Variants in NEB observed in about 807,000 individuals in gnomAD.
The protein encoded by NEB is nebulin.
NEB carries 512 observed loss-of-function variants against 952.2 expected under a neutral mutation model. The observed-to-expected ratio is 0.54, with a 90% CI of 0.50 to 0.58. The LOEUF is 0.58. NEB is among the 20% of genes least tolerant of loss of function. The probability of loss-of-function intolerance (pLI) is 0.00; values close to 1 mark genes in which losing one functional copy is unlikely to be tolerated. For missense variants in NEB, 8,428 were observed against 9,231.1 expected, an observed-to-expected ratio of 0.91 and a Z score of 3.56; for synonymous variants, 2,900 against 3,149.8, an observed-to-expected ratio of 0.92 and a Z score of 2.66.
chr2:151,694,991 G>T (rs1253180005), intron 18 of NEB, among the ~76,000 whole-genome samples: 3 of 151,976 alleles, frequency 2.0e-5, no homozygotes, highest in Admixed American at 6.6e-5. Flanking sequence ...CTCTGCAAAG[G>T]TTATTTCATA....
intron 117 of NEB, 56 bp downstream of exon 117, chr2:151,564,988 T>G: frequency 1.9e-6 from 2 of 1,058,348 alleles, no homozygotes; most frequent in South Asian, 3.1e-5. Flanking sequence ...AGAATATGAA[T>G]GCAACAAGAG....
At chr2:151,535,830 G>A in intron 141 of NEB, 35 bp from the exon 142 acceptor site, 1 of 1,165,402 alleles carries the variant, frequency 8.6e-7, no homozygotes, top group Non-Finnish European at 1.2e-6. Context: ...TTGACAGCAG[G>A]CTATGATTAT....
chr2:151,690,446 G>A, intron 24 of NEB: 2 of 305,318 alleles, frequency 6.6e-6, no homozygotes, highest in South Asian at 7.6e-5. Context: ...TTGGCATGAA[G>A]TTTTAGTGTG....
chr2:151,556,232 T>C (rs1027959772), intron 124 of NEB, among the ~76,000 whole-genome samples: 2 of 152,000 alleles, frequency 1.3e-5, no homozygotes, highest in Non-Finnish European at 2.9e-5. Flanking sequence ...CCCAGTAGAG[T>C]AGTGAAATCA....
Position 151,650,679 on chromosome 2 carries a change from C to T in NEB, c.7122G>A (p.Glu2374=). The change falls in exon 53 of 182, where the codon GAG becomes GAA. Residue 2374 remains glutamate, a synonymous_variant. Transcript: ENST00000397345. ...LGVVLAKKCQ[E]LVSDVDYKNY... ...TCTTGTAGTCCACGTCACTAACCAA[C>T]TCCTGACACTTCTTGGCCAGTACCA... is the stretch of plus-strand genomic sequence containing the variant. 28 of 1,613,870 alleles carry T rather than the reference C, an allele frequency of 1.7e-5. No homozygotes were observed. The highest frequency in any genetic ancestry group is 2.4e-5 in the Non-Finnish European group (28 of 1,179,798).
intron 26 of NEB, 40 bp from the exon 27 acceptor site, chr2:151,687,572 A>G: frequency 1.9e-6 from 3 of 1,613,042 alleles, no homozygotes; most frequent in Non-Finnish European, 2.5e-6. Flanking sequence ...ACTCACCAGG[A>G]AATGTCCCCA....
intron 27 of NEB, 35 bp downstream of exon 27, chr2:151,687,383 AT>A: frequency 6.4e-7 from 1 of 1,554,992 alleles, no homozygotes; most frequent in South Asian, 1.1e-5. Context: ...CAGGGAGTCC[AT>A]CTTGAAAACA....
At chr2:151,709,811 G>C in intron 11 of NEB, 48 bp from the exon 12 acceptor site, 14 of 1,382,266 alleles carry the variant, frequency 1.0e-5, no homozygotes, top group Non-Finnish European at 1.3e-5. Flanking sequence ...AATGAACTAT[G>C]CAAGAATTTC....
intron 92 of NEB, 96 bp from the exon 93 acceptor site, chr2:151,594,414 T>G (rs1167100648): frequency 7.4e-7 from 1 of 1,347,460 alleles, no homozygotes; most frequent in African/African-American, 1.4e-5. Flanking sequence ...TTTCTTAGCC[T>G]TGGTATAAAT....
Position 151,562,104 on chromosome 2 carries a change from G to T in NEB, c.18996+6C>A. ...GAGAACCAGTCCTTCTAGGAAGGTGGCTCACCTGACTCTGAAGGTCGTATG... is the reference window on the plus strand; with the variant it reads ...GAGAACCAGTCCTTCTAGGAAGGTGTCTCACCTGACTCTGAAGGTCGTATG... On this transcript the variant is annotated splice_donor_region_variant and intron_variant, in intron 121 of 181. Transcript: ENST00000397345. The T allele has an allele frequency of 6.2e-7, 1 of 1,610,260 alleles. No homozygotes were observed. Among genetic ancestry groups the T allele is most frequent in the Non-Finnish European group, 8.5e-7 (1 of 1,176,636 alleles).
In NEB at chr2:151,519,101, G is replaced by A. The variant is rs374516019; in HGVS notation, c.22591-32C>T. On this transcript the variant is annotated intron_variant, in intron 154 of 181. Transcript: ENST00000397345. ...GTTATGGGGGAAGAAAGGAAATCAC[G>A]TAAATAGGAAATGGAACAGCACTAA... 48 of 1,372,298 alleles carry A rather than the reference G, an allele frequency of 3.5e-5. No individual in the cohort carries two copies. The African/African-American group carries it at 4.6e-4, about 13-fold the overall frequency. The allele number at this position is 1,372,298 out of a possible 1,614,324, so 85.0% of individuals were successfully genotyped here.
chr2:151,490,486 G>T lies in NEB; in HGVS notation c.25183C>A (p.Arg8395=). The change falls in exon 180 of 182, where the codon CGA becomes AGA. Residue 8395 remains arginine, a synonymous_variant. Coordinates refer to ENST00000397345, the MANE Select transcript of NEB (RefSeq NM_001164508.2). ...QAQRRSREQS[R]SASALSISGG... is the part of the protein sequence containing the mutation. ...CTGATGCTTAGTGCACTGGCAGATCGTGACTGCTCCCGGCTCCGGCGCTGA... is the reference window on the plus strand; with the variant it reads ...CTGATGCTTAGTGCACTGGCAGATCTTGACTGCTCCCGGCTCCGGCGCTGA... The T allele has an allele frequency of 6.2e-7, 1 of 1,609,356 alleles. No individual in the cohort carries two copies.
At chr2:151,491,926 A>G (rs2056919155) in intron 178 of NEB, 151 bp from the exon 179 acceptor site, 1 of 961,096 alleles carries the variant, frequency 1.0e-6, no homozygotes, top group African/African-American at 1.6e-5. Flanking sequence ...GAGGAGAACA[A>G]AGATAAGGTA....
chr2:151,576,273 T>C lies in NEB; in HGVS notation c.16786A>G (p.Asn5596Asp). Residue 5596 changes from asparagine (N) to aspartate (D), a missense_variant, in exon 106 of 182, where the codon AAC (asparagine) becomes GAC (aspartate). Physicochemically the swap from Asn to Asp is conservative, Grantham distance 23. Coordinates refer to ENST00000397345, the MANE Select transcript of NEB (RefSeq NM_001164508.2). ...CTGTCACAAAAGATATTCTGGGCGT[T>C]TTTGACTCTCAACACTTCAGGAGAC... ...QGSPEVLRVKNAQNIFCDSVY... is the reference protein window; with the variant it reads ...QGSPEVLRVKDAQNIFCDSVY... The C allele has an allele frequency of 6.2e-7, 1 of 1,611,110 alleles. No homozygotes were observed. Among genetic ancestry groups the C allele is most frequent in the East Asian group, 2.2e-5 (1 of 44,834 alleles).
chr2:151,636,342 T>G lies in NEB; in HGVS notation c.8995-8A>C. 1.3e-6 allele frequency: 2 copies of G among 1,594,382 alleles called. No individual in the cohort carries two copies. Among genetic ancestry groups the G allele is most frequent in the South Asian group, 1.1e-5 (1 of 89,832 alleles). ...AGCAAGTTTGTACAGACTCTAAATT[T>G]GGGGGAAAAAAAATCAGATGCTGAC... On this transcript the variant is annotated splice_polypyrimidine_tract_variant and splice_region_variant and intron_variant, in intron 63 of 181. Coordinates refer to ENST00000397345, the MANE Select transcript of NEB (RefSeq NM_001164508.2).
At chr2:151,731,468 C>T (rs191569384) in intron 3 of NEB, among the ~76,000 whole-genome samples, 1 of 152,334 alleles carries the variant, frequency 6.6e-6, no homozygotes, top group East Asian at 1.9e-4. Flanking sequence ...TAGTTCCTCT[C>T]TGTTTTCTAA....
At chr2:151,711,943 T>G (rs1180312656) in intron 10 of NEB, among the ~76,000 whole-genome samples, 1 of 152,240 alleles carries the variant, frequency 6.6e-6, no homozygotes, top group Non-Finnish European at 1.5e-5. Context: ...TTGATTTACC[T>G]GCACTCTGTT....
intron 23 of NEB, among the ~76,000 whole-genome samples, 167 bp downstream of exon 23, chr2:151,691,697 C>G (rs1480234742): frequency 6.6e-6 from 1 of 152,138 alleles, no homozygotes; most frequent in African/African-American, 2.4e-5. Context: ...AATGGCCTTC[C>G]TCAACATAAT....
Position 151,514,498 on chromosome 2 carries a change from A to G in NEB, c.23017-70T>C, listed in dbSNP as rs1176816302. The G allele has an allele frequency of 7.4e-6, 9 of 1,211,094 alleles. 1 individual carries two copies. The East Asian group carries it at 1.4e-4, about 19-fold the overall frequency. 75.0% of individuals were successfully genotyped at this position (1,211,094 alleles called of 1,614,324 possible). A position where few individuals can be genotyped will look rare whatever the true frequency, so the allele number is the denominator to read the frequency against. On this transcript the variant is annotated intron_variant, in intron 158 of 181. Coordinates refer to ENST00000397345, the MANE Select transcript of NEB (RefSeq NM_001164508.2). ...ATTGATTCTCTCAGGCAAAGAAGAA[A>G]ATAAAAAACAATTCCAATTTTTAAA...
Sources: allele counts gnomAD v4.1 joint callset (sites outside exome capture counted in the v4.1 genomes callset), GRCh38; gene constraint gnomAD v4.1.1; transcripts MANE v1.5; gene names NCBI Gene and HGNC (gene_info 2026-07-23, HGNC 2026-07-21).